Variants in FCHSD1 observed in about 807,000 individuals in gnomAD.
FCHSD1 encodes the protein F-BAR and double SH3 domains protein 1.
FCHSD1 carries 109 observed loss-of-function variants against 101.3 expected under a neutral mutation model. That is an observed-to-expected ratio of 1.08 (90% confidence interval 0.92 to 1.26). The LOEUF (loss-of-function observed/expected upper bound fraction) is 1.26. Among genes scored for constraint, FCHSD1 ranks in the 50% most tolerant of loss-of-function variants. The probability of loss-of-function intolerance (pLI) is 0.00; values close to 1 mark genes in which losing one functional copy is unlikely to be tolerated. For synonymous variants in FCHSD1, 291 were observed against 356.8 expected (o/e 0.82, Z 2.08); for missense variants, 820 against 895.8 (o/e 0.92, Z 1.08).
rs747016028 is a variant in FCHSD1 at position 141,639,615 on chromosome 5, C to T, written c.*1883G>A. ...CTCCAAGGAAGGAAAAAGCCGCCCC[C>T]GGACAGGGGAGACCACTGTGTTCTC... is the stretch of plus-strand genomic sequence containing the variant. On this transcript the variant is annotated 3_prime_UTR_variant, in exon 20 of 20. Transcript: ENST00000435817. The surrounding 1 kb of genome is among the most constrained non-coding windows in gnomAD (Gnocchi z 4.4). The T allele has an allele frequency of 5.5e-5, 89 of 1,612,664 alleles. No homozygotes were observed. The highest frequency in any genetic ancestry group is 1.8e-4 in the Admixed American group (11 of 59,896).
At chr5:141,650,435 G>A (rs756924791) in intron 2 of FCHSD1, 31 bp from the exon 3 acceptor site, 2 of 1,613,650 alleles carry the variant, frequency 1.2e-6, no homozygotes, top group South Asian at 1.1e-5. Flanking sequence ...GGGTGAGGTG[G>A]GGGATAAGGT....
In FCHSD1 at chr5:141,640,213, C is replaced by T. The variant is rs1488848519; in HGVS notation, c.*1285G>A. Reference sequence around the variant, plus strand: ...GCTTCTGCAGAGCCAACACTGAGGGCCGGAGGGAGGGGCCCAAGCCCAGGG... The same window carrying T: ...GCTTCTGCAGAGCCAACACTGAGGGTCGGAGGGAGGGGCCCAAGCCCAGGG... On this transcript the variant is annotated 3_prime_UTR_variant, in exon 20 of 20. Coordinates refer to ENST00000435817, the MANE Select transcript of FCHSD1 (RefSeq NM_033449.3). The T allele has an allele frequency of 6.2e-7, 1 of 1,614,160 alleles. No homozygotes were observed. The highest frequency in any genetic ancestry group is 8.5e-7 in the Non-Finnish European group (1 of 1,180,000).
In FCHSD1 at chr5:141,640,755, C is replaced by A; in HGVS notation, c.*743G>T. On this transcript the variant is annotated 3_prime_UTR_variant, in exon 20 of 20. Coordinates refer to ENST00000435817, the MANE Select transcript of FCHSD1 (RefSeq NM_033449.3). ...AAGCCCTCCCCTCCACTGGACAGCA[C>A]TGCCCCCCAGCTGAGGGACCAGCTC... 1 of 1,310,442 alleles carries A rather than the reference C, an allele frequency of 7.6e-7. No homozygotes were observed. Among genetic ancestry groups the A allele is most frequent in the Non-Finnish European group, 1.0e-6 (1 of 961,074 alleles). 81.2% of individuals were successfully genotyped at this position (1,310,442 alleles called of 1,614,324 possible).
Position 141,644,639 on chromosome 5 carries a change from A to G in FCHSD1, c.1576T>C (p.Phe526Leu). 1.2e-6 allele frequency: 2 copies of G among 1,613,962 alleles called. No homozygotes were observed. Among genetic ancestry groups the G allele is most frequent in the Non-Finnish European group, 1.7e-6 (2 of 1,179,862 alleles). The change falls in exon 16 of 20, where the codon TTC (phenylalanine) becomes CTC (leucine). Residue 526 changes from phenylalanine (F) to leucine (L), a missense_variant. Phe to Leu is a conservative substitution (Grantham distance 22). Coordinates refer to ENST00000435817, the MANE Select transcript of FCHSD1 (RefSeq NM_033449.3). Reference protein sequence around the residue: ...VGFVPERYLNFPDLSLPESSQ... With the variant: ...VGFVPERYLNLPDLSLPESSQ... ...CTCTCTGGGAGGGAGAGGTCCGGGA[A>G]GTTGAGATATCGCTCAGGGACAAAG...
At position 141,641,453 on chromosome 5, in the gene FCHSD1, A is replaced by G; in HGVS notation, c.*45T>C. ...TTGATGGTGTGGTCTGACAGCTTGA[A>G]GATAGGGACAGCAGCATCACTGGGG... On this transcript the variant is annotated 3_prime_UTR_variant, in exon 20 of 20. Coordinates refer to ENST00000435817, the MANE Select transcript of FCHSD1 (RefSeq NM_033449.3). 2 of 1,422,186 alleles carry G rather than the reference A, an allele frequency of 1.4e-6. No homozygotes were observed. Among genetic ancestry groups the G allele is most frequent in the South Asian group, 1.6e-5 (1 of 61,354 alleles). The allele number at this position is 1,422,186 out of a possible 1,614,324, so 88.1% of individuals were successfully genotyped here. A position where few individuals can be genotyped will look rare whatever the true frequency, so the allele number is the denominator to read the frequency against.
chr5:141,643,788 C>T (rs1056749275), intron 17 of FCHSD1, among the ~76,000 whole-genome samples: 1 of 149,582 alleles, frequency 6.7e-6, no homozygotes, highest in Non-Finnish European at 1.5e-5. Flanking sequence ...GCAGAGGTTG[C>T]GGTGAGCTGA....
In FCHSD1 at chr5:141,639,756, C is replaced by A. The variant is rs541259955; in HGVS notation, c.*1742G>T. ...CTCTTTCCTCCTGGACTGGGAGCTC[C>A]GGCAGAAGTCAGGCTACACAATGTG... On this transcript the variant is annotated 3_prime_UTR_variant, in exon 20 of 20. Transcript: ENST00000435817. The surrounding 1 kb of genome is among the most constrained non-coding windows in gnomAD (Gnocchi z 4.4). 1 of 1,316,534 alleles carries A rather than the reference C, an allele frequency of 7.6e-7. No individual in the cohort carries two copies. The highest frequency in any genetic ancestry group is 2.1e-5 in the Admixed American group (1 of 47,054). The allele number at this position is 1,316,534 out of a possible 1,614,324, so 81.6% of individuals were successfully genotyped here. A position where few individuals can be genotyped will look rare whatever the true frequency, so the allele number is the denominator to read the frequency against.
Position 141,646,649 on chromosome 5 carries a change from G to A in FCHSD1, c.998C>T (p.Thr333Ile), listed in dbSNP as rs1193011963. The A allele has an allele frequency of 6.2e-7, 1 of 1,613,066 alleles. No homozygotes were observed. The highest frequency in any genetic ancestry group is 1.3e-5 in the African/African-American group (1 of 74,874). Residue 333 changes from threonine (T) to isoleucine (I), a missense_variant, in exon 11 of 20, where the codon ACC becomes ATC. Physicochemically the swap from Thr to Ile is moderately conservative, Grantham distance 89. Transcript: ENST00000435817. ...SGLEKEVQRL[T>I]SRAARDYKIQ... ...CTTGTAGTCACGGGCAGCTCGGCTG[G>A]TCAAGCGCTGAACCTCTTTCTCCAG...
rs776914243 is a variant in FCHSD1, at chr5:141,647,949, T to A, written c.705+19A>T. 1.6e-5 allele frequency: 26 copies of A among 1,610,136 alleles called. No individual in the cohort carries two copies. Among genetic ancestry groups the A allele is most frequent in the Non-Finnish European group, 2.2e-5 (26 of 1,178,314 alleles). On this transcript the variant is annotated intron_variant, in intron 8 of 19. Transcript: ENST00000435817. ...TTCCCTCCCTGCTGAGGGATAGGGG[T>A]GTCTGGGTTAAAACTGGCCTTGAGC...
In FCHSD1 at chr5:141,640,829, G is replaced by T; in HGVS notation, c.*669C>A. Reference sequence around the variant, plus strand: ...TCTCAGGCTGGGGGCCTCAGGAGAGGTCACAGCCCCTCAGTCTCTTCTCCT... The same window carrying T: ...TCTCAGGCTGGGGGCCTCAGGAGAGTTCACAGCCCCTCAGTCTCTTCTCCT... On this transcript the variant is annotated 3_prime_UTR_variant, in exon 20 of 20. Transcript: ENST00000435817. 1.5e-6 allele frequency: 1 copy of T among 676,938 alleles called. No individual in the cohort carries two copies. Among genetic ancestry groups the T allele is most frequent in the Non-Finnish European group, 2.4e-6 (1 of 408,398 alleles). 41.9% of individuals were successfully genotyped at this position (676,938 alleles called of 1,614,324 possible).
At position 141,646,174 on chromosome 5, in the gene FCHSD1, C is replaced by T. The variant is rs975562995; in HGVS notation, c.1062G>A (p.Glu354=). Residue 354 remains glutamate, a synonymous_variant, in exon 12 of 20, where the codon GAG becomes GAA. Transcript: ENST00000435817. ...NHGHRVLQRL[E]QRRQQASERE... ...GCTCTGAAGCCTGCTGCCGCCTCTG[C>T]TCCAGTCGTTGCAGTACCTGGTTGG... 6 of 1,607,788 alleles carry T rather than the reference C, an allele frequency of 3.7e-6. No homozygotes were observed. In the African/African-American group the frequency reaches 5.3e-5, roughly 14 times the overall value.
In FCHSD1 at chr5:141,640,386, T is replaced by C. The variant is rs771957885; in HGVS notation, c.*1112A>G. On this transcript the variant is annotated 3_prime_UTR_variant, in exon 20 of 20. Transcript: ENST00000435817. ...GATAGGACCTACTCCTGGTCTCTCATTGTTGACCCCTCCCCTTTCTCTCAG... is the reference window on the plus strand; with the variant it reads ...GATAGGACCTACTCCTGGTCTCTCACTGTTGACCCCTCCCCTTTCTCTCAG... 5.0e-6 allele frequency: 8 copies of C among 1,614,130 alleles called. No homozygotes were observed. The highest frequency in any genetic ancestry group is 1.1e-5 in the South Asian group (1 of 91,078).
At position 141,644,757 on chromosome 5, in the gene FCHSD1, T is replaced by C. The variant is rs750208431; in HGVS notation, c.1525-67A>G. 5.0e-6 allele frequency: 8 copies of C among 1,606,602 alleles called. No homozygotes were observed. The Admixed American group carries it at 1.0e-4, about 20-fold the overall frequency. On this transcript the variant is annotated intron_variant, in intron 15 of 19. Transcript: ENST00000435817. ...GCAGTCCATGACCCTGGCTCTCTTC[T>C]ACTCAGGCTTCTAGCTTTGCCTAGA...
At chr5:141,646,235 G>C (rs918737269) in intron 11 of FCHSD1, 44 bp from the exon 12 acceptor site, 4 of 1,507,802 alleles carry the variant, frequency 2.7e-6, no homozygotes, top group African/African-American at 1.4e-5. Context: ...AAATACTGTG[G>C]GGCATGACTT....
At chr5:141,647,590 G>C in intron 8 of FCHSD1, 70 bp from the exon 9 acceptor site, 2 of 1,587,622 alleles carry the variant, frequency 1.3e-6, no homozygotes, top group Non-Finnish European at 1.7e-6. Context: ...GCTCGTTCCA[G>C]ATTTGACAGG....
chr5:141,646,025 G>A lies in FCHSD1; in HGVS notation c.1149+62C>T. On this transcript the variant is annotated intron_variant, in intron 12 of 19. Coordinates refer to ENST00000435817, the MANE Select transcript of FCHSD1 (RefSeq NM_033449.3). ...TCCTTCCTCCCACCATCAGAAAGAG[G>A]AGTAGAGGGAGTGGGGCTTGCCTGA... 2.6e-6 allele frequency: 4 copies of A among 1,552,842 alleles called. No homozygotes were observed. The East Asian group carries it at 7.1e-5, about 27-fold the overall frequency.
Position 141,651,356 on chromosome 5 carries a change from G to C in FCHSD1, c.13C>G (p.Pro5Ala), listed in dbSNP as rs1197506285. 2 of 1,553,936 alleles carry C rather than the reference G, an allele frequency of 1.3e-6. No individual in the cohort carries two copies. The highest frequency in any genetic ancestry group is 3.9e-5 in the Admixed American group (2 of 51,602). The change falls in exon 1 of 20, where the codon CCC becomes GCC. Residue 5 changes from proline to alanine, a missense_variant. Pro to Ala is a conservative substitution (Grantham distance 27). Coordinates refer to ENST00000435817, the MANE Select transcript of FCHSD1 (RefSeq NM_033449.3). Reference protein sequence around the residue: MQPPPRKVKPAQEVK... With the variant: MQPPARKVKPAQEVK... ...TTCAGGGCCAAGCTCACTTTTCGGG[G>C]CGGCGGCTGCATCTCCGCTCCAGCA...
intron 17 of FCHSD1, among the ~76,000 whole-genome samples, chr5:141,643,304 T>G (rs936872774): frequency 6.6e-6 from 1 of 152,150 alleles, no homozygotes; most frequent in Non-Finnish European, 1.5e-5. Context: ...CTGCTAGCAC[T>G]TCACGTGTAC....
chr5:141,640,944 C>T lies in FCHSD1; in HGVS notation c.*554G>A, dbSNP rs534654711. The T allele has an allele frequency of 3.1e-5, 16 of 508,784 alleles. No homozygotes were observed. The highest frequency in any genetic ancestry group is 4.5e-5 in the Non-Finnish European group (13 of 288,724). The allele number at this position is 508,784 out of a possible 1,614,324, so 31.5% of individuals were successfully genotyped here. On this transcript the variant is annotated 3_prime_UTR_variant, in exon 20 of 20. Coordinates refer to ENST00000435817, the MANE Select transcript of FCHSD1 (RefSeq NM_033449.3). ...TGGCAGCTGGGAGCAGGCCCCTGCC[C>T]GTGGTGGGCCCCTAAAGCAATAGCA...
Sources: allele counts gnomAD v4.1 joint callset (sites outside exome capture counted in the v4.1 genomes callset), GRCh38; gene constraint gnomAD v4.1.1; non-coding constraint Gnocchi (gnomAD v3.1); transcripts MANE v1.5; gene names NCBI Gene and HGNC (gene_info 2026-07-23, HGNC 2026-07-21).